Variants in MYO1B observed in about 807,000 individuals in gnomAD.
MYO1B encodes the protein myosin IB.
In MYO1B, 72 loss-of-function variants were observed where a neutral mutation model predicts 159.7. The ratio of observed to expected loss-of-function variants is 0.45; its 90% CI spans 0.37 to 0.55. MYO1B has a LOEUF of 0.55. MYO1B is among the 20% of genes least tolerant of loss of function. The pLI, the probability that MYO1B is intolerant of heterozygous loss-of-function variation, is 0.00. For synonymous variants in MYO1B, 468 were observed against 473.8 expected (o/e 0.99, Z 0.16); for missense variants, 1,062 against 1,364.8 (o/e 0.78, Z 3.50).
intron 21 of MYO1B, among the ~76,000 whole-genome samples, chr2:191,397,495 G>C (rs1696191766): frequency 6.6e-6 from 1 of 152,208 alleles, no homozygotes; most frequent in Non-Finnish European, 1.5e-5. Flanking sequence ...GTTTCAGAGA[G>C]CACAGGGTTA....
intron 20 of MYO1B, among the ~76,000 whole-genome samples, 183 bp downstream of exon 20, chr2:191,393,405 A>G (rs1695882398): frequency 6.6e-6 from 1 of 152,178 alleles, no homozygotes; most frequent in Non-Finnish European, 1.5e-5. Context: ...CTGTTAAGTA[A>G]TTTGCCCACA....
At chr2:191,267,995 G>A (rs546996395) in intron 1 of MYO1B, among the ~76,000 whole-genome samples, 22 of 152,292 alleles carry the variant, frequency 1.4e-4, no homozygotes, top group Admixed American at 5.9e-4. Flanking sequence ...ACACACCAGA[G>A]CCCTGTGTGT....
intron 5 of MYO1B, among the ~76,000 whole-genome samples, chr2:191,343,564 A>G (rs1388050941): frequency 6.6e-6 from 1 of 152,212 alleles, no homozygotes; most frequent in Admixed American, 6.5e-5. Flanking sequence ...ATGGAAAGCG[A>G]TATCTCTCAA....
At chr2:191,261,945 A>G (rs974097564) in intron 1 of MYO1B, among the ~76,000 whole-genome samples, 1 of 152,066 alleles carries the variant, frequency 6.6e-6, no homozygotes, top group Non-Finnish European at 1.5e-5. Context: ...TGACTTCCAA[A>G]TTTAACTGAC....
intron 1 of MYO1B, among the ~76,000 whole-genome samples, chr2:191,265,407 C>A (rs1193716140): frequency 6.6e-6 from 1 of 152,040 alleles, no homozygotes; most frequent in Non-Finnish European, 1.5e-5. Flanking sequence ...ATAAAGAGAA[C>A]AGAGGAATGA....
Position 191,363,684 on chromosome 2 carries a change from T to G in MYO1B, c.766-44T>G, listed in dbSNP as rs111252469. The G allele has an allele frequency of 4.4e-3, 6,875 of 1,558,340 alleles. 208 individuals carry two copies. The African/African-American group carries it at 0.079, about 18-fold the overall frequency. ...TGATTCATTAAAAAAGAAAAGAAAA[T>G]AACTATAAGAAAAAAATAGTTGCTT... On this transcript the variant is annotated intron_variant, in intron 9 of 30. Coordinates refer to ENST00000392318, the MANE Select transcript of MYO1B (RefSeq NM_001130158.3).
At chr2:191,313,533 C>T (rs370057247) in intron 3 of MYO1B, among the ~76,000 whole-genome samples, 8 of 152,240 alleles carry the variant, frequency 5.3e-5, no homozygotes, top group Admixed American at 3.9e-4. Context: ...TACAGGCGCC[C>T]GCCACCACAC....
intron 13 of MYO1B, among the ~76,000 whole-genome samples, chr2:191,373,545 G>A (rs1416109535): frequency 1.3e-5 from 2 of 152,208 alleles, no homozygotes; most frequent in East Asian, 1.9e-4. Flanking sequence ...GGAGGCCAAC[G>A]TGCGTGGATC....
At chr2:191,400,339 T>A in intron 21 of MYO1B, 43 bp from the exon 22 acceptor site, 1 of 1,603,478 alleles carries the variant, frequency 6.2e-7, no homozygotes, top group East Asian at 2.2e-5. Flanking sequence ...GTCAATTCCT[T>A]TATTTTTAAA....
At chr2:191,300,820 A>T (rs1689282942) in intron 3 of MYO1B, among the ~76,000 whole-genome samples, 1 of 151,862 alleles carries the variant, frequency 6.6e-6, no homozygotes, top group African/African-American at 2.4e-5. Flanking sequence ...CTGCAAAAGC[A>T]TCCAGATACT....
Position 191,402,349 on chromosome 2 carries a change from A to G in MYO1B, c.2470-283A>G, listed in dbSNP as rs1696667940. The G allele has an allele frequency of 1.2e-5, 5 of 416,622 alleles. No homozygotes were observed. The Admixed American group carries it at 2.0e-4, about 16-fold the overall frequency. The allele number at this position is 416,622 out of a possible 1,614,324, so 25.8% of individuals were successfully genotyped here. A position where few individuals can be genotyped will look rare whatever the true frequency, so the allele number is the denominator to read the frequency against. The stretch of plus-strand genomic sequence containing the variant: ...AAGGCAGCGAACAGAGAGAGAGAAC[A>G]GGAGAAAAAAGGAAAGGAATGGAAG... On this transcript the variant is annotated intron_variant, in intron 23 of 30. Coordinates refer to ENST00000392318, the MANE Select transcript of MYO1B (RefSeq NM_001130158.3).
chr2:191,380,436 A>G (rs1294949202), intron 13 of MYO1B, among the ~76,000 whole-genome samples: 2 of 152,178 alleles, frequency 1.3e-5, no homozygotes, highest in Admixed American at 6.5e-5. Flanking sequence ...CCAGTTTACC[A>G]GTGGTGGAGT....
intron 1 of MYO1B, among the ~76,000 whole-genome samples, chr2:191,271,904 C>T (rs1018289248): frequency 6.6e-6 from 1 of 152,102 alleles, no homozygotes; most frequent in Admixed American, 6.5e-5. Flanking sequence ...ATGATGTTGA[C>T]ATATGGTAGG....
intron 2 of MYO1B, among the ~76,000 whole-genome samples, chr2:191,291,911 C>G (rs368623192): frequency 3.9e-5 from 6 of 152,302 alleles, no homozygotes; most frequent in African/African-American, 1.4e-4. Flanking sequence ...AAACCCCACC[C>G]AGCAATCAGC....
At chr2:191,307,423 C>G (rs886676240) in intron 3 of MYO1B, among the ~76,000 whole-genome samples, 14 of 152,236 alleles carry the variant, frequency 9.2e-5, no homozygotes, top group African/African-American at 3.4e-4. Context: ...GCTTCTTTAC[C>G]GCAACCTGTT....
chr2:191,370,182 A>G, intron 12 of MYO1B, 45 bp from the exon 13 acceptor site: 1 of 1,280,554 alleles, frequency 7.8e-7, no homozygotes, highest in South Asian at 1.2e-5. Context: ...TTGTAGTGTT[A>G]TATTTCATGC....
intron 2 of MYO1B, among the ~76,000 whole-genome samples, chr2:191,290,744 T>C (rs945994742): frequency 3.3e-5 from 5 of 152,256 alleles, no homozygotes; most frequent in African/African-American, 1.2e-4. Flanking sequence ...CAGATGTTGC[T>C]GCAGTTTTTC....
intron 3 of MYO1B, among the ~76,000 whole-genome samples, chr2:191,313,784 G>T (rs1236284277): frequency 6.6e-6 from 1 of 152,190 alleles, no homozygotes; most frequent in Non-Finnish European, 1.5e-5. Flanking sequence ...CTCCCAAAGT[G>T]CTGAGATTAC....
At position 191,362,197 on chromosome 2, in the gene MYO1B, T is replaced by A; in HGVS notation, c.662-71T>A. ...CCATGTTACCGATGTGAACAAGATA[T>A]CAAAGGGAATGAGATATTAAAGATT... On this transcript the variant is annotated intron_variant, in intron 8 of 30. Transcript: ENST00000392318. The A allele has an allele frequency of 3.4e-6, 4 of 1,178,562 alleles. No homozygotes were observed. In the South Asian group the frequency reaches 5.2e-5, roughly 15 times the overall value. 73.0% of individuals were successfully genotyped at this position (1,178,562 alleles called of 1,614,324 possible).
Sources: allele counts gnomAD v4.1 joint callset (sites outside exome capture counted in the v4.1 genomes callset), GRCh38; gene constraint gnomAD v4.1.1; transcripts MANE v1.5; gene names NCBI Gene and HGNC (gene_info 2026-07-23, HGNC 2026-07-21).